TNNI3K: variants seen among roughly 807,000 people sequenced by gnomAD.
The protein encoded by TNNI3K is serine/threonine-protein kinase TNNI3K.
A neutral mutation model predicts 114.5 loss-of-function variants in TNNI3K; 140 were observed. The observed-to-expected ratio is 1.22, with a 90% CI of 1.07 to 1.41. TNNI3K has a LOEUF of 1.41. Ranked by LOEUF, TNNI3K falls within the 40% of genes most tolerant of loss-of-function variation. The pLI is 0.00. For missense variants in TNNI3K, 1,125 were observed against 1,007.6 expected, an observed-to-expected ratio of 1.12 and a Z score of -1.58; for synonymous variants, 347 against 347.5, an observed-to-expected ratio of 1.00 and a Z score of 0.02.
chr1:74,239,673 C>G (rs1654065532), intron 2 of TNNI3K, among the ~76,000 whole-genome samples: 2 of 152,120 alleles, frequency 1.3e-5, no homozygotes, highest in Admixed American at 6.5e-5. Flanking sequence ...CCGGTAGATG[C>G]TAATTTCATT....
intron 6 of TNNI3K, among the ~76,000 whole-genome samples, chr1:74,333,604 C>T (rs1353829889): frequency 1.3e-5 from 2 of 152,192 alleles, no homozygotes; most frequent in African/African-American, 4.8e-5. Context: ...AAGGGACTCA[C>T]TTTCTGTGTG....
At chr1:74,355,561 G>A (rs1661609185) in intron 11 of TNNI3K, among the ~76,000 whole-genome samples, 1 of 152,006 alleles carries the variant, frequency 6.6e-6, no homozygotes, top group African/African-American at 2.4e-5. Context: ...CTGAGATCAT[G>A]CCATTGCACT....
chr1:74,393,644 T>G (rs1663913789), intron 17 of TNNI3K, among the ~76,000 whole-genome samples: 1 of 152,210 alleles, frequency 6.6e-6, no homozygotes, highest in Non-Finnish European at 1.5e-5. Context: ...TGGAATAGTA[T>G]TATACAGCAG....
At chr1:74,300,042 G>A (rs45508595) in intron 5 of TNNI3K, among the ~76,000 whole-genome samples, 250 of 152,138 alleles carry the variant, frequency 1.6e-3, no homozygotes, top group African/African-American at 5.2e-3. Flanking sequence ...ATATATTTGC[G>A]TCTACCTTGA....
intron 16 of TNNI3K, 193 bp downstream of exon 16, chr1:74,369,778 T>G: frequency 1.6e-6 from 1 of 607,454 alleles, no homozygotes; most frequent in Non-Finnish European, 2.4e-6. Context: ...ACTTTATGCT[T>G]TCTTAGCAGA....
chr1:74,338,516 G>T (rs115112723), intron 7 of TNNI3K, among the ~76,000 whole-genome samples: 2,282 of 151,874 alleles, frequency 0.015, 51 homozygotes, highest in African/African-American at 0.05. Flanking sequence ...CGACCCCCAA[G>T]AGACCTAATT....
intron 17 of TNNI3K, among the ~76,000 whole-genome samples, chr1:74,432,985 G>C (rs553767146): frequency 6.6e-6 from 1 of 151,944 alleles, no homozygotes; most frequent in Non-Finnish European, 1.5e-5. Flanking sequence ...CTCCATAGTG[G>C]CTCCATGAGG....
intron 17 of TNNI3K, among the ~76,000 whole-genome samples, chr1:74,409,872 C>A (rs1260171756): frequency 6.6e-6 from 1 of 151,880 alleles, no homozygotes; most frequent in Non-Finnish European, 1.5e-5. Flanking sequence ...TATTATTATT[C>A]TTTTATTGAC....
chr1:74,489,645 A>G (rs1485784103), intron 22 of TNNI3K, among the ~76,000 whole-genome samples: 3 of 152,230 alleles, frequency 2.0e-5, no homozygotes, highest in Non-Finnish European at 4.4e-5. Context: ...AAAAATTATC[A>G]ATAAAATATG....
intron 4 of TNNI3K, among the ~76,000 whole-genome samples, chr1:74,260,964 T>C (rs1655627721): frequency 6.6e-6 from 1 of 152,108 alleles, no homozygotes; most frequent in South Asian, 2.1e-4. Flanking sequence ...TAGCTATACA[T>C]TTATATTTCA....
At chr1:74,451,198 A>C (rs546832350) in intron 20 of TNNI3K, among the ~76,000 whole-genome samples, 1 of 152,166 alleles carries the variant, frequency 6.6e-6, no homozygotes, top group African/African-American at 2.4e-5. Flanking sequence ...CTAAACAATG[A>C]GAACACATGG....
chr1:74,446,567 G>GTCTTTTT (rs1557571437), intron 20 of TNNI3K, among the ~76,000 whole-genome samples: 5 of 148,410 alleles, frequency 3.4e-5, no homozygotes, highest in Admixed American at 2.7e-4. Flanking sequence ...TGTCAATTTT[G>GTCTTTTT]GCTTTTGTTG....
chr1:74,497,682 C>A (rs1051272321), intron 23 of TNNI3K, among the ~76,000 whole-genome samples: 1 of 152,046 alleles, frequency 6.6e-6, no homozygotes, highest in African/African-American at 2.4e-5. Flanking sequence ...TGCTTCCTAG[C>A]GTTTGCAACA....
rs150396590 is a variant in TNNI3K, at chr1:74,312,997, C to T, written c.445-18453C>T. On this transcript the variant is annotated intron_variant, in intron 5 of 24. Coordinates refer to ENST00000326637, the MANE Select transcript of TNNI3K (RefSeq NM_015978.3). ...GTTTTAGAACCAATCTGTACCTAGG[C>T]AGACAGTATTCAAACAGCCTCAGTC... 2.1e-3 allele frequency among the ~76,000 whole-genome samples: 326 copies of T among 152,316 alleles called. 2 individuals are homozygous for T. The highest frequency in any genetic ancestry group is 0.01 in the Middle Eastern group (3 of 294).
rs200103498 is a variant in TNNI3K, at chr1:74,271,632, G to A, written c.368G>A (p.Ser123Asn). Residue 123 changes from serine to asparagine, a missense_variant, in exon 5 of 25, where the codon AGT becomes AAT. Physicochemically the swap from Ser to Asn is conservative, Grantham distance 46. Coordinates refer to ENST00000326637, the MANE Select transcript of TNNI3K (RefSeq NM_015978.3). ...NAELITSLLH[S>N]GADIQQVGYG... ...GAATTGATCACTTCTCTGCTTCACA[G>A]TGGAGCTGATATACAGCAGGTTGGA... is the stretch of plus-strand genomic sequence containing the variant. 2.5e-5 allele frequency: 40 copies of A among 1,608,812 alleles called. No homozygotes were observed. The South Asian group carries it at 4.2e-4, about 17-fold the overall frequency.
At chr1:74,509,006 G>A (rs918279287) in intron 23 of TNNI3K, among the ~76,000 whole-genome samples, 9 of 152,132 alleles carry the variant, frequency 5.9e-5, no homozygotes, top group Admixed American at 4.6e-4. Flanking sequence ...TCTACCCACG[G>A]ATGGATAAAC....
chr1:74,322,410 A>G (rs1268245846), intron 5 of TNNI3K, among the ~76,000 whole-genome samples: 1 of 149,878 alleles, frequency 6.7e-6, no homozygotes, highest in Non-Finnish European at 1.5e-5. Context: ...ATTTCTTCTC[A>G]TCTTTACTTA....
intron 17 of TNNI3K, among the ~76,000 whole-genome samples, chr1:74,424,357 A>G (rs1219407792): frequency 6.6e-6 from 1 of 152,216 alleles, no homozygotes; most frequent in African/African-American, 2.4e-5. Context: ...ACTGTAGTGG[A>G]TTGAAGAGGG....
intron 11 of TNNI3K, among the ~76,000 whole-genome samples, chr1:74,363,259 C>T (rs533786418): frequency 6.6e-6 from 1 of 152,072 alleles, no homozygotes; most frequent in South Asian, 2.1e-4. Flanking sequence ...ACTTTAGTGG[C>T]TTGTCAGAGC....
Sources: gnomAD v4.1 joint callset for allele counts (sites outside exome capture counted in the v4.1 genomes callset) on GRCh38, gnomAD v4.1.1 for gene constraint, MANE v1.5 for transcripts, NCBI Gene and HGNC (gene_info 2026-07-23, HGNC 2026-07-21) for gene names.